Variants in DPP10 observed in about 807,000 individuals in gnomAD.
DPP10 encodes the protein dipeptidyl peptidase like 10.
Under a neutral mutation model 120.9 loss-of-function variants are expected in DPP10, and 33 were observed. The ratio of observed to expected loss-of-function variants is 0.27; its 90% confidence interval spans 0.21 to 0.37. The LOEUF (loss-of-function observed/expected upper bound fraction) is 0.37. Ranked by LOEUF, DPP10 falls within the 10% of genes least tolerant of loss-of-function variation. The pLI is 1.00. For synonymous variants in DPP10, 337 were observed against 326.1 expected (o/e 1.03, Z -0.36); for missense variants, 816 against 942.8 (o/e 0.87, Z 1.76).
chr2:115,290,634 G>A (rs1040797343), intron 1 of DPP10, among the ~76,000 whole-genome samples: 1 of 152,126 alleles, frequency 6.6e-6, no homozygotes, highest in Non-Finnish European at 1.5e-5. Flanking sequence ...TAAACTTTAA[G>A]TGGAGATGAT....
chr2:115,189,087 C>T (rs990335165), intron 1 of DPP10, among the ~76,000 whole-genome samples: 13 of 152,160 alleles, frequency 8.5e-5, no homozygotes, highest in African/African-American at 2.7e-4. Context: ...AGCACTCGAA[C>T]ATAAATTTAA....
At chr2:115,100,092 G>A (rs897443378) in intron 1 of DPP10, among the ~76,000 whole-genome samples, 8 of 152,082 alleles carry the variant, frequency 5.3e-5, no homozygotes, top group African/African-American at 1.2e-4. Flanking sequence ...TACAATGAAC[G>A]TGCCACCAAG....
chr2:115,050,790 C>T (rs749789941), intron 1 of DPP10, among the ~76,000 whole-genome samples: 2 of 152,152 alleles, frequency 1.3e-5, no homozygotes, highest in African/African-American at 2.4e-5. Flanking sequence ...TGGTACACGG[C>T]CTCACTAGAG....
intron 1 of DPP10, among the ~76,000 whole-genome samples, chr2:114,462,544 G>A (rs1468153209): frequency 6.6e-6 from 1 of 152,128 alleles, no homozygotes; most frequent in Non-Finnish European, 1.5e-5. Context: ...ATTAGACTGG[G>A]GTTATGGGCT....
intron 1 of DPP10, among the ~76,000 whole-genome samples, chr2:115,254,887 G>A (rs1035257419): frequency 7.2e-5 from 11 of 152,196 alleles, no homozygotes; most frequent in Admixed American, 3.3e-4. Flanking sequence ...TCGGGGTACA[G>A]GTGCTCTTCC....
At chr2:115,053,645 A>C (rs1349566602) in intron 1 of DPP10, among the ~76,000 whole-genome samples, 1 of 152,232 alleles carries the variant, frequency 6.6e-6, no homozygotes, top group East Asian at 1.9e-4. Context: ...ATTTACAAAA[A>C]AATTTCCAAT....
chr2:115,088,712 C>A (rs181355341), intron 1 of DPP10, among the ~76,000 whole-genome samples: 18 of 112,570 alleles, frequency 1.6e-4, no homozygotes, highest in African/African-American at 5.3e-4. Context: ...TCCCAAAGTG[C>A]CGGGATTAGG....
intron 1 of DPP10, among the ~76,000 whole-genome samples, chr2:114,721,286 G>C (rs1701691165): frequency 6.6e-6 from 1 of 152,176 alleles, no homozygotes; most frequent in African/African-American, 2.4e-5. Flanking sequence ...CCCATTGCAT[G>C]GGCCTTCCCA....
chr2:114,645,159 C>T (rs1271516552), intron 1 of DPP10, among the ~76,000 whole-genome samples: 1 of 152,156 alleles, frequency 6.6e-6, no homozygotes, highest in Non-Finnish European at 1.5e-5. Context: ...TTTTGATCTG[C>T]CAGAGTACAG....
chr2:114,844,739 A>G (rs1018962686), intron 1 of DPP10, among the ~76,000 whole-genome samples: 1 of 151,924 alleles, frequency 6.6e-6, no homozygotes, highest in South Asian at 2.1e-4. Flanking sequence ...ATAGATATAT[A>G]CTATCAACTT....
chr2:115,161,772 C>A (rs1406121247), intron 1 of DPP10: 1 of 505,174 alleles, frequency 2.0e-6, no homozygotes, highest in Non-Finnish European at 3.3e-6. Context: ...GAGGGAGGGA[C>A]CCTACGACGG....
At chr2:115,324,743 C>A (rs1216355286) in intron 2 of DPP10, among the ~76,000 whole-genome samples, 3 of 152,278 alleles carry the variant, frequency 2.0e-5, no homozygotes, top group African/African-American at 7.2e-5. Context: ...CTGTTGGGAG[C>A]AAGAGGCTTA....
chr2:115,166,243 A>C (rs2052830801), intron 1 of DPP10, among the ~76,000 whole-genome samples: 1 of 152,062 alleles, frequency 6.6e-6, no homozygotes, highest in Non-Finnish European at 1.5e-5. Flanking sequence ...TTTGATCAAT[A>C]AACTATTGTT....
chr2:115,778,034 C>T (rs544776248), intron 15 of DPP10, among the ~76,000 whole-genome samples, 200 bp downstream of exon 15: 1 of 152,268 alleles, frequency 6.6e-6, no homozygotes, highest in African/African-American at 2.4e-5. Flanking sequence ...TTGCTCCTTC[C>T]TGCTCTGCAG....
chr2:115,420,739 C>A (rs1443190699), intron 3 of DPP10, among the ~76,000 whole-genome samples: 4 of 152,032 alleles, frequency 2.6e-5, no homozygotes, highest in Non-Finnish European at 5.9e-5. Context: ...TCCCTGGCAG[C>A]CATGATTTTT....
intron 1 of DPP10, among the ~76,000 whole-genome samples, chr2:114,544,651 G>C (rs1302457108): frequency 6.6e-6 from 1 of 151,862 alleles, no homozygotes; most frequent in South Asian, 2.1e-4. Flanking sequence ...GTCTATATAA[G>C]TTAAATGATA....
chr2:115,345,150 T>G (rs1199637877), intron 3 of DPP10, among the ~76,000 whole-genome samples: 1 of 152,220 alleles, frequency 6.6e-6, no homozygotes. Context: ...TCACATAAAC[T>G]TAAATTTTAA....
chr2:115,061,751 A>G (rs992981421), intron 1 of DPP10, among the ~76,000 whole-genome samples: 4 of 152,184 alleles, frequency 2.6e-5, no homozygotes, highest in African/African-American at 9.7e-5. Flanking sequence ...GTAATCAGCT[A>G]GGAAAAATAT....
At position 114,887,863 on chromosome 2, in the gene DPP10, G is replaced by A. The variant is rs186999018; in HGVS notation, c.61-421376G>A. Among the ~76,000 whole-genome samples, 20 of 152,312 alleles carry A rather than the reference G, an allele frequency of 1.3e-4. No individual in the cohort carries two copies. In the East Asian group the frequency reaches 3.3e-3, roughly 25 times the overall value. On this transcript the variant is annotated intron_variant, in intron 1 of 25. Transcript: ENST00000410059. ...TCTAGAAAATGAGTATCATGGGTTA[G>A]GCGAGGTGGCTCACGCCTGTTATTC...
Sources: gnomAD v4.1 joint callset for allele counts (sites outside exome capture counted in the v4.1 genomes callset) on GRCh38, gnomAD v4.1.1 for gene constraint, MANE v1.5 for transcripts, NCBI Gene and HGNC (gene_info 2026-07-23, HGNC 2026-07-21) for gene names.